Variants in DIAPH2 observed in about 807,000 individuals in gnomAD.
DIAPH2 encodes the protein diaphanous related formin 2.
In DIAPH2, 35 loss-of-function variants were observed where a neutral mutation model predicts 92.7. The ratio of observed to expected loss-of-function variants is 0.38; its 90% CI spans 0.29 to 0.50. DIAPH2 has a LOEUF of 0.50. Among genes scored for constraint, DIAPH2 ranks in the 20% least tolerant of loss-of-function variants. The pLI is 0.94. For missense variants in DIAPH2, 701 were observed against 819.5 expected (o/e 0.86, Z 1.77); for synonymous variants, 301 against 280.4 (o/e 1.07, Z -0.73).
intron 22 of DIAPH2, among the ~76,000 whole-genome samples, chrX:97,208,668 A>T (rs1173831274): frequency 8.9e-6 from 1 of 111,936 alleles, no homozygotes; most frequent in Non-Finnish European, 1.9e-5. Flanking sequence ...GTGTTTTGAG[A>T]TAATAAAATA....
intron 4 of DIAPH2, among the ~76,000 whole-genome samples, chrX:96,816,643 A>T (rs2064737945): frequency 8.9e-6 from 1 of 112,260 alleles, no homozygotes; most frequent in Admixed American, 9.4e-5. Flanking sequence ...AATCAATACA[A>T]CCACTATGGA....
intron 23 of DIAPH2, among the ~76,000 whole-genome samples, chrX:97,305,366 G>A (rs1015680341): frequency 9.0e-6 from 1 of 110,499 alleles, no homozygotes. Flanking sequence ...GGTGGCGGGC[G>A]CCTGTAATCC....
intron 15 of DIAPH2, among the ~76,000 whole-genome samples, chrX:96,951,537 C>A (rs1026026836): frequency 9.0e-6 from 1 of 111,290 alleles, no homozygotes; most frequent in African/African-American, 3.3e-5. Context: ...TGCAGAATCA[C>A]GAAGCATTCT....
intron 9 of DIAPH2, among the ~76,000 whole-genome samples, chrX:96,929,041 A>G (rs1218453409): frequency 1.8e-5 from 2 of 111,563 alleles, no homozygotes; most frequent in East Asian, 5.6e-4. Flanking sequence ...ATTAAGCTAG[A>G]ATTTCTTCTG....
chrX:96,770,839 G>A (rs923430932), intron 4 of DIAPH2, among the ~76,000 whole-genome samples: 1 of 112,053 alleles, frequency 8.9e-6, no homozygotes. Flanking sequence ...CACTATTAAA[G>A]TACCAATTTC....
intron 22 of DIAPH2, among the ~76,000 whole-genome samples, chrX:97,233,320 T>C (rs1342276838): frequency 4.4e-5 from 5 of 112,687 alleles, no homozygotes; most frequent in Non-Finnish European, 9.4e-5. Context: ...TAACTTCAAA[T>C]ATTGTCTCTG....
intron 23 of DIAPH2, among the ~76,000 whole-genome samples, chrX:97,262,109 A>AG (rs2068293466): frequency 9.1e-6 from 1 of 109,477 alleles, no homozygotes; most frequent in Admixed American, 9.9e-5. Context: ...AAAAAAAAAA[A>AG]AAAAGAAAGG....
intron 10 of DIAPH2, among the ~76,000 whole-genome samples, chrX:96,936,314 G>A (rs923075156): frequency 2.2e-4 from 25 of 111,306 alleles, no homozygotes; most frequent in Admixed American, 4.8e-4. Flanking sequence ...AACAAGAAAT[G>A]TATCCCATTT....
chrX:97,227,525 G>A (rs370566493), intron 22 of DIAPH2, among the ~76,000 whole-genome samples: 2 of 111,922 alleles, frequency 1.8e-5, no homozygotes, highest in Non-Finnish European at 3.8e-5. Context: ...CTTCAAGGAC[G>A]TGACAGAAAT....
At chrX:96,888,571 A>ATATATC (rs2065282461) in intron 5 of DIAPH2, among the ~76,000 whole-genome samples, 1 of 90,982 alleles carries the variant, frequency 1.1e-5, no homozygotes, top group Non-Finnish European at 2.1e-5. Context: ...ATATACACAG[A>ATATATC]TATATATATC....
intron 26 of DIAPH2, among the ~76,000 whole-genome samples, chrX:97,541,347 T>C (rs2071138847): frequency 1.8e-5 from 2 of 111,666 alleles, no homozygotes; most frequent in Non-Finnish European, 3.8e-5. Context: ...ATGAGTTTTA[T>C]AGATACTAGA....
intron 26 of DIAPH2, among the ~76,000 whole-genome samples, chrX:97,448,575 A>C (rs983689473): frequency 6.2e-5 from 7 of 112,224 alleles, no homozygotes; most frequent in African/African-American, 2.3e-4. Flanking sequence ...GGCTCTGTGA[A>C]TACTGTCATG....
chrX:96,925,781 A>G (rs1482334054), intron 9 of DIAPH2, among the ~76,000 whole-genome samples: 1 of 110,105 alleles, frequency 9.1e-6, no homozygotes, highest in East Asian at 2.9e-4. Flanking sequence ...ATATTCCACC[A>G]CCCTTCTACA....
chrX:96,784,281 A>G (rs754699489), intron 4 of DIAPH2, among the ~76,000 whole-genome samples: 7 of 112,141 alleles, frequency 6.2e-5, no homozygotes, highest in African/African-American at 2.3e-4. Flanking sequence ...TGAATTAACC[A>G]TTTATTTTTA....
chrX:97,457,081 C>CACTA (rs1569402514), intron 26 of DIAPH2, among the ~76,000 whole-genome samples: 1 of 111,697 alleles, frequency 9.0e-6, no homozygotes, highest in Non-Finnish European at 1.9e-5. Flanking sequence ...AGTGCAGTGG[C>CACTA]ACTATCTCGG....
intron 26 of DIAPH2, among the ~76,000 whole-genome samples, chrX:97,480,084 A>G (rs73258362): frequency 0.14 from 15,787 of 111,284 alleles, 1,124 homozygotes; most frequent in Admixed American, 0.21. Context: ...AATCCCCAGT[A>G]TCTGTGAATA....
intron 17 of DIAPH2, among the ~76,000 whole-genome samples, chrX:96,970,628 CT>C (rs1358441340): frequency 2.7e-5 from 3 of 110,566 alleles, no homozygotes. Flanking sequence ...TGGATGGCCT[CT>C]TTTTTTCTTT....
intron 20 of DIAPH2, among the ~76,000 whole-genome samples, chrX:97,108,464 T>C (rs1397605798): frequency 1.8e-5 from 2 of 112,377 alleles, no homozygotes; most frequent in Non-Finnish European, 3.8e-5. Flanking sequence ...CTTTTAATAA[T>C]TGTATCTGTG....
intron 17 of DIAPH2, among the ~76,000 whole-genome samples, chrX:97,042,463 C>T (rs1222137480): frequency 9.0e-6 from 1 of 111,707 alleles, no homozygotes; most frequent in Non-Finnish European, 1.9e-5. Context: ...ATGAGTCACT[C>T]ATTGAAAATA....
Sources: allele counts gnomAD v4.1 joint callset (sites outside exome capture counted in the v4.1 genomes callset), GRCh38; gene constraint gnomAD v4.1.1; transcripts MANE v1.5; gene names NCBI Gene and HGNC (gene_info 2026-07-23, HGNC 2026-07-21).